Variants in MEIOB observed in about 807,000 individuals in gnomAD.
The protein encoded by MEIOB is meiosis-specific with OB domain-containing protein.
Under a neutral mutation model 53.1 loss-of-function variants are expected in MEIOB, and 50 were observed. That is an observed-to-expected ratio of 0.94 (90% CI 0.75 to 1.19). MEIOB has a LOEUF of 1.19. Among genes scored for constraint, MEIOB ranks in the 50% most tolerant of loss-of-function variants. The pLI, the probability that MEIOB is intolerant of heterozygous loss-of-function variation, is 0.00. For synonymous variants in MEIOB, 192 were observed against 182.5 expected, an observed-to-expected ratio of 1.05 and a Z score of -0.42; for missense variants, 551 against 550.8, an observed-to-expected ratio of 1.00 and a Z score of 0.00.
At chr16:1,838,032 T>C (rs751059643) in intron 12 of MEIOB, 162 bp from the exon 13 acceptor site, 29 of 1,364,552 alleles carry the variant, frequency 2.1e-5, no homozygotes, top group African/African-American at 4.5e-5. Flanking sequence ...GGTCTCACTC[T>C]GTCGCCCAAG....
At chr16:1,850,275 A>G (rs1899132729) in intron 9 of MEIOB, among the ~76,000 whole-genome samples, 1 of 152,148 alleles carries the variant, frequency 6.6e-6, no homozygotes, top group Non-Finnish European at 1.5e-5. Flanking sequence ...TATCACTGGT[A>G]TTACTAAATG....
chr16:1,847,833 C>T (rs1899063953), intron 9 of MEIOB, among the ~76,000 whole-genome samples: 1 of 152,182 alleles, frequency 6.6e-6, no homozygotes, highest in Admixed American at 6.5e-5. Context: ...GTTTACCTCA[C>T]AGCTCGCTGA....
chr16:1,862,009 C>A lies in MEIOB; in HGVS notation c.235G>T (p.Asp79Tyr). ...CCACAGTCACCAACCCTAAAGCTGTCAGAAAGAGACTTGATGTAATCTTCA... is the reference window on the plus strand; with the variant it reads ...CCACAGTCACCAACCCTAAAGCTGTAAGAAAGAGACTTGATGTAATCTTCA... ...GNEDYIKSLS[D>Y]SFRVGDCVII... The change falls in exon 4 of 14, where the codon GAC (aspartate) becomes TAC (tyrosine). Residue 79 changes from aspartate (D) to tyrosine (Y), a missense_variant. Physicochemically the swap from Asp to Tyr is radical, Grantham distance 160. Coordinates refer to ENST00000325962, the MANE Select transcript of MEIOB (RefSeq NM_001163560.3). 6.4e-7 allele frequency: 1 copy of A among 1,551,370 alleles called. No homozygotes were observed. The highest frequency in any genetic ancestry group is 1.2e-5 in the South Asian group (1 of 83,978).
chr16:1,850,257 G>T (rs1264812805), intron 9 of MEIOB, among the ~76,000 whole-genome samples: 1 of 152,090 alleles, frequency 6.6e-6, no homozygotes. Flanking sequence ...AGAGGATGAA[G>T]ATTTTACTAT....
intron 6 of MEIOB, among the ~76,000 whole-genome samples, chr16:1,854,552 C>T (rs1014327864): frequency 6.6e-6 from 1 of 152,212 alleles, no homozygotes; most frequent in African/African-American, 2.4e-5. Flanking sequence ...CTTTGTATCC[C>T]CATGGCTCAG....
intron 1 of MEIOB, among the ~76,000 whole-genome samples, chr16:1,870,786 A>G (rs956019682): frequency 6.6e-6 from 1 of 152,206 alleles, no homozygotes; most frequent in African/African-American, 2.4e-5. Flanking sequence ...GTGGCTCACA[A>G]TGCAGTGTCA....
At chr16:1,863,082 A>C (rs1436693412) in intron 3 of MEIOB, among the ~76,000 whole-genome samples, 1 of 151,808 alleles carries the variant, frequency 6.6e-6, no homozygotes, top group Non-Finnish European at 1.5e-5. Context: ...TTTTAAAATT[A>C]GTGGTGGCAC....
intron 6 of MEIOB, among the ~76,000 whole-genome samples, chr16:1,855,156 G>A (rs1274394175): frequency 2.0e-5 from 3 of 152,198 alleles, no homozygotes; most frequent in Non-Finnish European, 2.9e-5. Flanking sequence ...AAGAGTGGCC[G>A]GGAGGGGTGG....
chr16:1,837,671 G>C (rs1485688169), intron 13 of MEIOB, 113 bp downstream of exon 13: 1 of 569,734 alleles, frequency 1.8e-6, no homozygotes, highest in African/African-American at 1.9e-5. Flanking sequence ...TGCACATCTG[G>C]GAACTGGGCA....
In MEIOB at chr16:1,857,713, C is replaced by G. The variant is rs576049773; in HGVS notation, c.528+22G>C. ...ACCTCCCCTGCCAGATTGCACTTGG[C>G]TTTGTCGGGGTTTTAACTTACCGAT... On this transcript the variant is annotated intron_variant, in intron 6 of 13. Coordinates refer to ENST00000325962, the MANE Select transcript of MEIOB (RefSeq NM_001163560.3). The G allele has an allele frequency of 3.2e-6, 5 of 1,547,498 alleles. No individual in the cohort carries two copies. The African/African-American group carries it at 6.8e-5, about 21-fold the overall frequency.
intron 10 of MEIOB, among the ~76,000 whole-genome samples, chr16:1,844,381 C>T (rs182935168): frequency 1.5e-3 from 231 of 151,902 alleles, no homozygotes; most frequent in Admixed American, 0.014. Context: ...ACCTTGGTTT[C>T]CCAAAGTGCT....
intron 9 of MEIOB, among the ~76,000 whole-genome samples, chr16:1,851,932 C>G (rs576106551): frequency 1.3e-5 from 2 of 152,118 alleles, no homozygotes; most frequent in Admixed American, 6.6e-5. Flanking sequence ...CTATAAAGCA[C>G]CCTGGGAATG....
chr16:1,860,354 A>G, intron 5 of MEIOB, 49 bp downstream of exon 5: 1 of 976,224 alleles, frequency 1.0e-6, no homozygotes. Flanking sequence ...ATACAACATT[A>G]TTAGTAATGA....
At chr16:1,846,344 T>G (rs1421277765) in intron 9 of MEIOB, among the ~76,000 whole-genome samples, 1 of 152,122 alleles carries the variant, frequency 6.6e-6, no homozygotes, top group Non-Finnish European at 1.5e-5. Context: ...AGCGTTATCC[T>G]GACTGTCAGA....
intron 12 of MEIOB, chr16:1,838,119 G>A (rs1033371445): frequency 6.5e-6 from 4 of 613,998 alleles, no homozygotes; most frequent in Admixed American, 3.0e-5. Flanking sequence ...TCAGCTTCCC[G>A]TTTCTGAGGT....
intron 11 of MEIOB, 147 bp downstream of exon 11, chr16:1,841,671 CTT>C: frequency 9.0e-6 from 4 of 443,936 alleles, no homozygotes. Context: ...GCTATGGAAA[CTT>C]TTCAGTACAG....
At position 1,854,114 on chromosome 16, in the gene MEIOB, A is replaced by G; in HGVS notation, c.615T>C (p.Ser205=). Residue 205 remains serine (S), a synonymous_variant, in exon 7 of 14, where the codon TCT becomes TCC. Coordinates refer to ENST00000325962, the MANE Select transcript of MEIOB (RefSeq NM_001163560.3). ...TCGGTGTTTACCATGTCATCGCAAAAGACGACTCTGTTTCATCATAGAGTC... is the reference window on the plus strand; with the variant it reads ...TCGGTGTTTACCATGTCATCGCAAAGGACGACTCTGTTTCATCATAGAGTC... ...EVRLYDETES[S]FAMTCWDNES... 1 of 1,548,344 alleles carries G rather than the reference A, an allele frequency of 6.5e-7. No individual in the cohort carries two copies. Among genetic ancestry groups the G allele is most frequent in the Non-Finnish European group, 8.7e-7 (1 of 1,144,212 alleles).
chr16:1,861,155 G>A (rs563169159), intron 4 of MEIOB, among the ~76,000 whole-genome samples: 13 of 152,178 alleles, frequency 8.5e-5, no homozygotes, highest in Admixed American at 2.0e-4. Context: ...TGTTGGAACT[G>A]GGATTTGAAT....
intron 10 of MEIOB, among the ~76,000 whole-genome samples, chr16:1,843,250 G>A (rs995469264): frequency 7.9e-5 from 12 of 151,238 alleles, no homozygotes; most frequent in African/African-American, 2.9e-4. Context: ...CCGAGATCGC[G>A]CCACTGCACT....
Sources: gnomAD v4.1 joint callset for allele counts (sites outside exome capture counted in the v4.1 genomes callset) on GRCh38, gnomAD v4.1.1 for gene constraint, MANE v1.5 for transcripts, NCBI Gene and HGNC (gene_info 2026-07-23, HGNC 2026-07-21) for gene names.